WNT6: variants seen among roughly 807,000 people sequenced by gnomAD.
WNT6 encodes protein Wnt-6.
A neutral mutation model predicts 33.1 loss-of-function variants in WNT6; 27 were observed. The ratio of observed to expected loss-of-function variants is 0.82; its 90% confidence interval spans 0.60 to 1.12. WNT6 has a LOEUF of 1.12. Among genes scored for constraint, WNT6 ranks in the 50% most tolerant of loss-of-function variants. The pLI is 0.00. For synonymous variants in WNT6, 249 were observed against 242.8 expected (o/e 1.03, Z -0.24); for missense variants, 494 against 535.3 (o/e 0.92, Z 0.76).
chr2:218,873,978 T>A lies in WNT6; in HGVS notation c.*133T>A. On this transcript the variant is annotated 3_prime_UTR_variant, in exon 4 of 4. Transcript: ENST00000233948. This position sits in a 1 kb window ranked among gnomAD's most constrained non-coding sequence, Gnocchi z 6.1. ...TGCCAAAGCCCAACTCCCAGGGCTC[T>A]GGAAATGGTGAGGCGAGGGGCTTGA... is the stretch of plus-strand genomic sequence containing the variant. The A allele has an allele frequency of 9.7e-7, 1 of 1,030,800 alleles. No individual in the cohort carries two copies. Among genetic ancestry groups the A allele is most frequent in the South Asian group, 1.9e-5 (1 of 52,592 alleles). 63.9% of individuals were successfully genotyped at this position (1,030,800 alleles called of 1,614,324 possible). A position where few individuals can be genotyped will look rare whatever the true frequency, so the allele number is the denominator to read the frequency against.
In WNT6 at chr2:218,873,899, G is replaced by T. The variant is rs1264458349; in HGVS notation, c.*54G>T. 1.2e-5 allele frequency: 16 copies of T among 1,390,320 alleles called. No homozygotes were observed. In the African/African-American group the frequency reaches 1.2e-4, roughly 11 times the overall value. The allele number at this position is 1,390,320 out of a possible 1,614,324, so 86.1% of individuals were successfully genotyped here. A position where few individuals can be genotyped will look rare whatever the true frequency, so the allele number is the denominator to read the frequency against. Reference sequence around the variant, plus strand: ...GCGCAGCGGTGGCTCGCACCTGTGGGACCTCAGGGCACCGGCACCGGGCGC... The same window carrying T: ...GCGCAGCGGTGGCTCGCACCTGTGGTACCTCAGGGCACCGGCACCGGGCGC... On this transcript the variant is annotated 3_prime_UTR_variant, in exon 4 of 4. Transcript: ENST00000233948. This position sits in a 1 kb window ranked among gnomAD's most constrained non-coding sequence, Gnocchi z 6.1.
rs954589723 is a variant in WNT6 at position 218,867,299 on chromosome 2, C to T, written c.81-3728C>T. Among the ~76,000 whole-genome samples, 3 of 152,130 alleles carry T rather than the reference C, an allele frequency of 2.0e-5. No individual in the cohort carries two copies. The highest frequency in any genetic ancestry group is 7.2e-5 in the African/African-American group (3 of 41,414). ...CCTCCTGTCTTGCTCATCTGCATAACGAGGGTGAAGTGGGTGGGGCTGAAC... is the reference window on the plus strand; with the variant it reads ...CCTCCTGTCTTGCTCATCTGCATAATGAGGGTGAAGTGGGTGGGGCTGAAC... On this transcript the variant is annotated intron_variant, in intron 1 of 3. Coordinates refer to ENST00000233948, the MANE Select transcript of WNT6 (RefSeq NM_006522.4). The surrounding 1 kb of genome is among the most constrained non-coding windows in gnomAD (Gnocchi z 4.9).
chr2:218,866,083 C>G (rs111613462), intron 1 of WNT6, among the ~76,000 whole-genome samples: 4 of 151,098 alleles, frequency 2.6e-5, no homozygotes, highest in Admixed American at 6.6e-5. Flanking sequence ...GGCACAGGCC[C>G]GGCCCAGCCG....
At position 218,867,999 on chromosome 2, in the gene WNT6, C is replaced by T. The variant is rs1944366619; in HGVS notation, c.81-3028C>T. Among the ~76,000 whole-genome samples, 1 of 152,160 alleles carries T rather than the reference C, an allele frequency of 6.6e-6. No individual in the cohort carries two copies. The highest frequency in any genetic ancestry group is 1.5e-5 in the Non-Finnish European group (1 of 68,026). On this transcript the variant is annotated intron_variant, in intron 1 of 3. Coordinates refer to ENST00000233948, the MANE Select transcript of WNT6 (RefSeq NM_006522.4). The surrounding 1 kb of genome is among the most constrained non-coding windows in gnomAD (Gnocchi z 4.9). ...GCGAAGCTTGGTGTTTTGCCCAATG[C>T]CCCCTGCCACGCCCCTTCTGGAGTT... is the stretch of plus-strand genomic sequence containing the variant.
chr2:218,863,797 C>G (rs1384458452), intron 1 of WNT6, among the ~76,000 whole-genome samples: 2 of 152,152 alleles, frequency 1.3e-5, no homozygotes, highest in African/African-American at 4.8e-5. Flanking sequence ...TGCAGTGAAC[C>G]GAGATCCATG....
At chr2:218,872,333 G>A (rs1306583900) in intron 3 of WNT6, among the ~76,000 whole-genome samples, 1 of 152,220 alleles carries the variant, frequency 6.6e-6, no homozygotes, top group Non-Finnish European at 1.5e-5. Context: ...AGGGGCAATG[G>A]AAAAGAGCGA....
chr2:218,861,354 A>C (rs1442396688), intron 1 of WNT6, among the ~76,000 whole-genome samples: 1 of 152,242 alleles, frequency 6.6e-6, no homozygotes, highest in Non-Finnish European at 1.5e-5. Flanking sequence ...GCTTTGAAGC[A>C]GATAGATCTA....
In WNT6 at chr2:218,871,696, C is replaced by T. The variant is rs1398492679; in HGVS notation, c.513C>T (p.Gly171=). 1 of 1,580,764 alleles carries T rather than the reference C, an allele frequency of 6.3e-7. No homozygotes were observed. The highest frequency in any genetic ancestry group is 2.5e-5 in the East Asian group (1 of 40,634). ...PEGSAAWEWG[G]CGDDVDFGDE... is the part of the protein sequence containing the mutation. ...GCAGCGCCGCCTGGGAGTGGGGAGG[C>T]TGCGGCGACGACGTGGACTTCGGGG... is the stretch of plus-strand genomic sequence containing the variant. The change falls in exon 3 of 4, where the codon GGC becomes GGT. Residue 171 remains glycine (G), a synonymous_variant. Transcript: ENST00000233948. This position sits in a 1 kb window ranked among gnomAD's most constrained non-coding sequence, Gnocchi z 6.4.
chr2:218,866,808 T>C (rs1227435505), intron 1 of WNT6, among the ~76,000 whole-genome samples: 1 of 152,226 alleles, frequency 6.6e-6, no homozygotes, highest in Non-Finnish European at 1.5e-5. Flanking sequence ...ACCCTGAGCG[T>C]ACTCCATGAA....
Position 218,873,592 on chromosome 2 carries a change from C to A in WNT6, c.845C>A (p.Ala282Glu). Residue 282 changes from alanine to glutamate, a missense_variant, in exon 4 of 4, where the codon GCG (alanine) becomes GAG (glutamate). Transcript: ENST00000233948. This position sits in a 1 kb window ranked among gnomAD's most constrained non-coding sequence, Gnocchi z 6.1. ...AVRTLKPPGRADLLYAADSPD... is the reference protein window; with the variant it reads ...AVRTLKPPGREDLLYAADSPD... The stretch of plus-strand genomic sequence containing the variant: ...CGCACGCTCAAGCCGCCGGGCCGAG[C>A]GGACCTCCTCTACGCCGCCGATTCG... 1 of 1,550,528 alleles carries A rather than the reference C, an allele frequency of 6.4e-7. No homozygotes were observed. Among genetic ancestry groups the A allele is most frequent in the Non-Finnish European group, 8.7e-7 (1 of 1,152,726 alleles).
chr2:218,869,181 G>A (rs1030736474), intron 1 of WNT6, among the ~76,000 whole-genome samples: 4 of 151,914 alleles, frequency 2.6e-5, no homozygotes, highest in African/African-American at 7.3e-5. Flanking sequence ...GAGCTACTTG[G>A]GTACGGATGA....
chr2:218,872,267 G>A (rs1200615847), intron 3 of WNT6, among the ~76,000 whole-genome samples: 2 of 152,276 alleles, frequency 1.3e-5, no homozygotes, highest in East Asian at 3.9e-4. Context: ...CTGGGGTTTT[G>A]GTACAGGGAA....
At chr2:218,870,794 G>A (rs1944393242) in intron 1 of WNT6, among the ~76,000 whole-genome samples, 1 of 152,236 alleles carries the variant, frequency 6.6e-6, no homozygotes, top group Non-Finnish European at 1.5e-5. Flanking sequence ...TGTGCAGGAA[G>A]ATAAGATTGA....
chr2:218,871,492 G>A lies in WNT6; in HGVS notation c.309G>A (p.Arg103=), dbSNP rs1357204038. Residue 103 remains arginine (R), a synonymous_variant, in exon 3 of 4, where the codon CGG becomes CGA. Coordinates refer to ENST00000233948, the MANE Select transcript of WNT6 (RefSeq NM_006522.4). The surrounding 1 kb of genome is among the most constrained non-coding windows in gnomAD (Gnocchi z 6.4). ...ACCTGTCTGCATTCACAGACATTCGGGAGACGGCCTTCGTGTTCGCCATCA... is the reference window on the plus strand; with the variant it reads ...ACCTGTCTGCATTCACAGACATTCGAGAGACGGCCTTCGTGTTCGCCATCA... ...AFGRILQQDI[R]ETAFVFAITA... is the part of the protein sequence containing the mutation. 6.3e-7 allele frequency: 1 copy of A among 1,597,604 alleles called. No individual in the cohort carries two copies.
rs761238683 is a variant in WNT6 at position 218,871,762 on chromosome 2, G to A, written c.579G>A (p.Arg193=). The change falls in exon 3 of 4, where the codon CGG becomes CGA. Residue 193 remains arginine, a synonymous_variant. Transcript: ENST00000233948. The surrounding 1 kb of genome is among the most constrained non-coding windows in gnomAD (Gnocchi z 6.4). ...TCTTTATGGACGCGCGGCACAAGCG[G>A]GGACGCGGAGACATCCGCGCGTTGG... ...SRLFMDARHK[R]GRGDIRALVQ... The A allele has an allele frequency of 5.6e-6, 9 of 1,602,698 alleles. No homozygotes were observed. The highest frequency in any genetic ancestry group is 4.1e-5 in the African/African-American group (3 of 73,660).
chr2:218,867,300 G>A lies in WNT6; in HGVS notation c.81-3727G>A, dbSNP rs986354143. Among the ~76,000 whole-genome samples, 1 of 152,160 alleles carries A rather than the reference G, an allele frequency of 6.6e-6. No homozygotes were observed. The highest frequency in any genetic ancestry group is 1.5e-5 in the Non-Finnish European group (1 of 68,028). On this transcript the variant is annotated intron_variant, in intron 1 of 3. Transcript: ENST00000233948. This position sits in a 1 kb window ranked among gnomAD's most constrained non-coding sequence, Gnocchi z 4.9. ...CTCCTGTCTTGCTCATCTGCATAAC[G>A]AGGGTGAAGTGGGTGGGGCTGAACT...
rs1201130939 is a variant in WNT6, at chr2:218,873,248, C to T, written c.637-136C>T. On this transcript the variant is annotated intron_variant, in intron 3 of 3. Coordinates refer to ENST00000233948, the MANE Select transcript of WNT6 (RefSeq NM_006522.4). This position sits in a 1 kb window ranked among gnomAD's most constrained non-coding sequence, Gnocchi z 6.1. ...CTTTCCTTGATTTCCTCCCCCTGAA[C>T]TTGCGGTCTCCTTTTGTCTGCATTT... 2.4e-6 allele frequency: 2 copies of T among 836,664 alleles called. No individual in the cohort carries two copies. Among genetic ancestry groups the T allele is most frequent in the Non-Finnish European group, 3.6e-6 (2 of 551,858 alleles). The allele number at this position is 836,664 out of a possible 1,614,324, so 51.8% of individuals were successfully genotyped here.
At position 218,859,805 on chromosome 2, in the gene WNT6, C is replaced by T. The variant is rs540778964; in HGVS notation, c.-233C>T. On this transcript the variant is annotated 5_prime_UTR_variant, in exon 1 of 4. Transcript: ENST00000233948. ...CCACCTCCGCCCCCGGCTCTGATTT[C>T]TTCTCCCGAGCGAGCTCCGCAGGAG... The T allele has an allele frequency of 7.4e-6, 1 of 135,174 alleles. No homozygotes were observed. The highest frequency in any genetic ancestry group is 2.7e-5 in the African/African-American group (1 of 36,466). 8.4% of individuals were successfully genotyped at this position (135,174 alleles called of 1,614,324 possible).
At chr2:218,864,891 A>T (rs566998181) in intron 1 of WNT6, among the ~76,000 whole-genome samples, 2 of 152,250 alleles carry the variant, frequency 1.3e-5, no homozygotes, top group South Asian at 4.1e-4. Context: ...GCTGAGCTCC[A>T]GGGTGGGGTG....
Sources: gnomAD v4.1 joint callset for allele counts (sites outside exome capture counted in the v4.1 genomes callset) on GRCh38, gnomAD v4.1.1 for gene constraint, Gnocchi (gnomAD v3.1) non-coding constraint, MANE v1.5 for transcripts, NCBI Gene and HGNC (gene_info 2026-07-23, HGNC 2026-07-21) for gene names.